The following KLHL3 variants were observed in gnomAD, a reference collection of about 807,000 sequenced individuals.
KLHL3 encodes kelch like family member 3, also known as kelch-like protein 3.
A neutral mutation model predicts 70.5 loss-of-function variants in KLHL3; 19 were observed. That is an observed-to-expected ratio of 0.27 (90% CI 0.19 to 0.40). The LOEUF (loss-of-function observed/expected upper bound fraction) is 0.40. KLHL3 is among the 10% of genes least tolerant of loss of function. KLHL3 has a pLI of 1.00. For missense variants in KLHL3, 512 were observed against 771.1 expected (o/e 0.66, Z 3.98); for synonymous variants, 258 against 290.3 (o/e 0.89, Z 1.13).
chr5:137,646,653 T>C (rs1376741743), intron 8 of KLHL3, among the ~76,000 whole-genome samples: 2 of 152,174 alleles, frequency 1.3e-5, no homozygotes, highest in African/African-American at 2.4e-5. Context: ...CTATATGCCC[T>C]CATTTTATAT....
chr5:137,701,333 C>CCA (rs1201105782), intron 3 of KLHL3, among the ~76,000 whole-genome samples: 1 of 152,150 alleles, frequency 6.6e-6, no homozygotes, highest in Non-Finnish European at 1.5e-5. Flanking sequence ...CAGGCATGAG[C>CCA]CACCGTGCCC....
intron 1 of KLHL3, among the ~76,000 whole-genome samples, chr5:137,731,846 T>C (rs938689184): frequency 6.6e-6 from 1 of 152,226 alleles, no homozygotes; most frequent in Non-Finnish European, 1.5e-5. Context: ...GAATGTTTTT[T>C]ATTGTGGTAA....
At chr5:137,728,205 T>G (rs950480650) in intron 1 of KLHL3, among the ~76,000 whole-genome samples, 2 of 152,164 alleles carry the variant, frequency 1.3e-5, no homozygotes, top group African/African-American at 4.8e-5. Context: ...AACAAACAGC[T>G]TTTCCAAGTG....
Position 137,677,519 on chromosome 5 carries a change from C to T in KLHL3, c.636+26G>A, listed in dbSNP as rs746181841. The T allele has an allele frequency of 1.4e-5, 19 of 1,387,192 alleles. No homozygotes were observed. In the African/African-American group the frequency reaches 2.0e-4, roughly 15 times the overall value. The allele number at this position is 1,387,192 out of a possible 1,614,324, so 85.9% of individuals were successfully genotyped here. On this transcript the variant is annotated intron_variant, in intron 6 of 14. Coordinates refer to ENST00000309755, the MANE Select transcript of KLHL3 (RefSeq NM_017415.3). The stretch of plus-strand genomic sequence containing the variant: ...ATGACCACCTGACGAGTGAGGTTCC[C>T]GTTTCCCCAGTGAGCCATGTCATAC...
At chr5:137,659,919 C>G (rs1239331160) in intron 7 of KLHL3, among the ~76,000 whole-genome samples, 1 of 152,056 alleles carries the variant, frequency 6.6e-6, no homozygotes, top group Non-Finnish European at 1.5e-5. Flanking sequence ...ATAAATGCTA[C>G]CTTTTGTGAA....
chr5:137,680,108 A>G (rs1285835864), intron 5 of KLHL3, among the ~76,000 whole-genome samples: 1 of 152,248 alleles, frequency 6.6e-6, no homozygotes, highest in Non-Finnish European at 1.5e-5. Context: ...GGATTTCCCC[A>G]GAAGACTTTG....
chr5:137,678,707 AT>A (rs1265472724), intron 5 of KLHL3, among the ~76,000 whole-genome samples: 2 of 152,190 alleles, frequency 1.3e-5, no homozygotes, highest in East Asian at 1.9e-4. Context: ...TATTGAAATA[AT>A]TTCAGACCCA....
At chr5:137,625,009 C>G (rs1214274234) in intron 14 of KLHL3, among the ~76,000 whole-genome samples, 1 of 152,222 alleles carries the variant, frequency 6.6e-6, no homozygotes, top group Non-Finnish European at 1.5e-5. Flanking sequence ...TCTGACTTTG[C>G]CATTTATTAG....
intron 1 of KLHL3, among the ~76,000 whole-genome samples, chr5:137,725,577 T>C (rs1173233296): frequency 2.6e-5 from 4 of 152,298 alleles, no homozygotes; most frequent in African/African-American, 7.2e-5. Context: ...GGGTCAACAA[T>C]TGTAGATGTA....
chr5:137,643,122 G>A (rs1439430845), intron 8 of KLHL3, among the ~76,000 whole-genome samples: 4 of 152,108 alleles, frequency 2.6e-5, no homozygotes, highest in East Asian at 1.9e-4. Flanking sequence ...TGGCAGAGGC[G>A]GGTGGATCTC....
At chr5:137,659,490 G>T (rs1442204726) in intron 7 of KLHL3, among the ~76,000 whole-genome samples, 2 of 152,146 alleles carry the variant, frequency 1.3e-5, no homozygotes, top group Non-Finnish European at 2.9e-5. Flanking sequence ...CAGTCCCCAA[G>T]AACTGTTTTC....
intron 8 of KLHL3, among the ~76,000 whole-genome samples, chr5:137,649,955 G>A (rs1359666470): frequency 3.9e-5 from 6 of 152,172 alleles, no homozygotes; most frequent in Non-Finnish European, 7.3e-5. Flanking sequence ...CAATCTCACC[G>A]ATTCTCAGTT....
chr5:137,711,739 T>C (rs1752795436), intron 2 of KLHL3, among the ~76,000 whole-genome samples: 1 of 152,150 alleles, frequency 6.6e-6, no homozygotes, highest in African/African-American at 2.4e-5. Context: ...CTTTGGGACA[T>C]ATATCATGGG....
intron 13 of KLHL3, among the ~76,000 whole-genome samples, chr5:137,627,474 A>ACC (rs1215063936): frequency 6.4e-4 from 34 of 53,096 alleles, no homozygotes; most frequent in East Asian, 2.7e-3. Flanking sequence ...AGTAAATATC[A>ACC]CCACCCCCCC....
At chr5:137,649,490 G>A (rs958150257) in intron 8 of KLHL3, among the ~76,000 whole-genome samples, 4 of 152,144 alleles carry the variant, frequency 2.6e-5, no homozygotes, top group African/African-American at 9.7e-5. Context: ...CCCCAAACAA[G>A]CCTGAAATAA....
chr5:137,692,787 G>T, intron 4 of KLHL3: 1 of 246,024 alleles, frequency 4.1e-6, no homozygotes, highest in South Asian at 6.0e-5. Context: ...GCAGTTGCTG[G>T]TCCACAAACC....
chr5:137,724,789 C>G (rs1753060912), intron 1 of KLHL3, among the ~76,000 whole-genome samples: 2 of 152,084 alleles, frequency 1.3e-5, no homozygotes, highest in African/African-American at 4.8e-5. Context: ...CTCTAACCTT[C>G]CAGAGAACAA....
intron 8 of KLHL3, among the ~76,000 whole-genome samples, chr5:137,652,116 T>C (rs900364321): frequency 6.6e-6 from 1 of 151,782 alleles, no homozygotes; most frequent in Non-Finnish European, 1.5e-5. Context: ...TAGAAGAAAG[T>C]ATAGGAGAAA....
At chr5:137,689,073 G>T (rs1191297949) in intron 5 of KLHL3, among the ~76,000 whole-genome samples, 1 of 152,182 alleles carries the variant, frequency 6.6e-6, no homozygotes, top group African/African-American at 2.4e-5. Context: ...AAGAGCCTGG[G>T]AGCCCTAATA....
Sources: allele counts gnomAD v4.1 joint callset (sites outside exome capture counted in the v4.1 genomes callset), GRCh38; gene constraint gnomAD v4.1.1; transcripts MANE v1.5; gene names NCBI Gene and HGNC (gene_info 2026-07-23, HGNC 2026-07-21).